Variants in GRID2 observed in about 807,000 individuals in gnomAD.
GRID2 encodes the protein glutamate receptor ionotropic, delta-2.
In GRID2, 33 loss-of-function variants were observed where a neutral mutation model predicts 114.8. The observed-to-expected ratio is 0.29, with a 90% CI of 0.22 to 0.38. The LOEUF is 0.38. Ranked by LOEUF, GRID2 falls within the 10% of genes least tolerant of loss-of-function variation. The pLI is 1.00. For missense variants in GRID2, 1,184 were observed against 1,257.7 expected (o/e 0.94, Z 0.89); for synonymous variants, 505 against 449.9 (o/e 1.12, Z -1.55).
chr4:93,624,339 C>A (rs1742494441), intron 13 of GRID2, among the ~76,000 whole-genome samples: 1 of 152,000 alleles, frequency 6.6e-6, no homozygotes, highest in Non-Finnish European at 1.5e-5. Flanking sequence ...TTGTTTCCAT[C>A]CTTTTTTGCA....
chr4:93,406,135 C>T (rs766386590), intron 9 of GRID2, among the ~76,000 whole-genome samples: 5 of 152,052 alleles, frequency 3.3e-5, no homozygotes, highest in Non-Finnish European at 5.9e-5. Context: ...AATTTACTCC[C>T]AGCCATGATG....
chr4:92,324,813 A>G (rs550314699), intron 1 of GRID2, among the ~76,000 whole-genome samples: 16 of 151,242 alleles, frequency 1.1e-4, no homozygotes, highest in Non-Finnish European at 2.4e-4. Flanking sequence ...TTAATAGTCA[A>G]ACATAGTTTG....
intron 2 of GRID2, among the ~76,000 whole-genome samples, chr4:93,017,456 A>C (rs1206973841): frequency 6.6e-6 from 1 of 152,146 alleles, no homozygotes; most frequent in Non-Finnish European, 1.5e-5. Context: ...TTTTGTAGAA[A>C]AGAGTATTAG....
At chr4:93,801,203 A>C (rs550390138) in intron 1 of GRID2, among the ~76,000 whole-genome samples, 1 of 152,274 alleles carries the variant, frequency 6.6e-6, no homozygotes, top group South Asian at 2.1e-4. Flanking sequence ...CAATTAAACA[A>C]ACCAGATAAT....
intron 8 of GRID2, among the ~76,000 whole-genome samples, chr4:93,371,938 G>A (rs2149293360): frequency 6.6e-6 from 1 of 151,732 alleles, no homozygotes; most frequent in Admixed American, 6.6e-5. Context: ...AGTAGAGACG[G>A]GGTTTTACCA....
chr4:92,893,423 A>T (rs1231035307), intron 2 of GRID2, among the ~76,000 whole-genome samples: 1 of 152,154 alleles, frequency 6.6e-6, no homozygotes, highest in Non-Finnish European at 1.5e-5. Context: ...ATCTGGATTG[A>T]CATAAATCCT....
intron 12 of GRID2, among the ~76,000 whole-genome samples, chr4:93,505,551 T>C (rs1728544596): frequency 6.7e-6 from 1 of 150,218 alleles, no homozygotes. Flanking sequence ...ATGTACAGAA[T>C]ACTAGGACCT....
intron 1 of GRID2, among the ~76,000 whole-genome samples, chr4:92,442,223 T>C (rs112517934): frequency 0.015 from 2,249 of 151,768 alleles, 55 homozygotes; most frequent in African/African-American, 0.051. Flanking sequence ...CGGGCGGTGT[T>C]AGTTTTCAGC....
intron 2 of GRID2, among the ~76,000 whole-genome samples, chr4:93,048,243 C>A (rs549687745): frequency 6.6e-6 from 1 of 152,142 alleles, no homozygotes; most frequent in Admixed American, 6.6e-5. Flanking sequence ...GAATTTTTGG[C>A]GCATACAGGA....
intron 2 of GRID2, among the ~76,000 whole-genome samples, chr4:92,797,831 A>G (rs946297139): frequency 6.6e-6 from 1 of 151,990 alleles, no homozygotes; most frequent in African/African-American, 2.4e-5. Context: ...CATGTTGTTC[A>G]AGGGCCAACT....
At chr4:93,804,124 G>T (rs1734987040) in intron 1 of GRID2, among the ~76,000 whole-genome samples, 1 of 152,128 alleles carries the variant, frequency 6.6e-6, no homozygotes, top group South Asian at 2.1e-4. Flanking sequence ...ATGTCAAGGT[G>T]TTCCTTAGGA....
chr4:93,023,792 T>C (rs1723625922), intron 2 of GRID2, among the ~76,000 whole-genome samples: 1 of 151,756 alleles, frequency 6.6e-6, no homozygotes, highest in Non-Finnish European at 1.5e-5. Context: ...AAATAAAGGG[T>C]AAAATATTTT....
At chr4:92,459,103 ATTACT>A (rs1245700112) in intron 1 of GRID2, among the ~76,000 whole-genome samples, 1 of 152,182 alleles carries the variant, frequency 6.6e-6, no homozygotes, top group East Asian at 1.9e-4. Context: ...TCATGCATAC[ATTACT>A]TAATTTAATA....
At chr4:92,425,548 G>A (rs1299201942) in intron 1 of GRID2, among the ~76,000 whole-genome samples, 2 of 152,006 alleles carry the variant, frequency 1.3e-5, no homozygotes, top group African/African-American at 4.8e-5. Flanking sequence ...TGCTGTTTAG[G>A]ACACATAGTA....
intron 1 of GRID2, among the ~76,000 whole-genome samples, chr4:93,801,119 T>C (rs1734919189): frequency 1.3e-5 from 2 of 152,160 alleles, no homozygotes; most frequent in African/African-American, 2.4e-5. Context: ...GTAATATACC[T>C]GCATGAGAGT....
intron 1 of GRID2, among the ~76,000 whole-genome samples, chr4:92,481,168 T>A (rs1180391213): frequency 6.6e-6 from 1 of 152,164 alleles, no homozygotes; most frequent in African/African-American, 2.4e-5. Flanking sequence ...AAATTGGAAG[T>A]TTAATTTACT....
intron 2 of GRID2, among the ~76,000 whole-genome samples, chr4:92,742,576 T>C (rs372069959): frequency 2.6e-5 from 4 of 152,204 alleles, no homozygotes; most frequent in African/African-American, 7.2e-5. Flanking sequence ...ATTTTGGTCC[T>C]GCATACATCT....
intron 14 of GRID2, among the ~76,000 whole-genome samples, chr4:93,746,254 C>G (rs1379137224): frequency 6.6e-6 from 1 of 152,010 alleles, no homozygotes; most frequent in Non-Finnish European, 1.5e-5. Flanking sequence ...AATCATTGTA[C>G]TAGGAAATAG....
At chr4:93,010,015 G>T (rs889309168) in intron 2 of GRID2, among the ~76,000 whole-genome samples, 19 of 152,016 alleles carry the variant, frequency 1.2e-4, no homozygotes, top group African/African-American at 4.6e-4. Context: ...TTAGTAGGAA[G>T]TATCAAGGTC....
Sources: allele counts gnomAD v4.1 joint callset (sites outside exome capture counted in the v4.1 genomes callset), GRCh38; gene constraint gnomAD v4.1.1; transcripts MANE v1.5; gene names NCBI Gene and HGNC (gene_info 2026-07-23, HGNC 2026-07-21).